SPIDR: variants seen among roughly 807,000 people sequenced by gnomAD.
The protein encoded by SPIDR is DNA repair-scaffolding protein.
In SPIDR, 93 loss-of-function variants were observed where a neutral mutation model predicts 104.6. The ratio of observed to expected loss-of-function variants is 0.89; its 90% CI spans 0.75 to 1.06. The LOEUF (loss-of-function observed/expected upper bound fraction) is 1.06. Ranked by LOEUF, SPIDR falls within the 50% of genes least tolerant of loss-of-function variation. The pLI is 0.00. For synonymous variants in SPIDR, 431 were observed against 416.9 expected (o/e 1.03, Z -0.41); for missense variants, 1,154 against 1,111.2 (o/e 1.04, Z -0.55).
At chr8:47,444,504 A>G (rs2070158066) in intron 8 of SPIDR, among the ~76,000 whole-genome samples, 1 of 152,210 alleles carries the variant, frequency 6.6e-6, no homozygotes, top group Admixed American at 6.5e-5. Flanking sequence ...CCATCGGTCC[A>G]TTCATATCGT....
At chr8:47,344,931 T>C (rs1212571492) in intron 5 of SPIDR, among the ~76,000 whole-genome samples, 1 of 152,252 alleles carries the variant, frequency 6.6e-6, no homozygotes, top group African/African-American at 2.4e-5. Context: ...CTGTTCACTC[T>C]GATGGTAGTT....
chr8:47,505,868 T>C (rs1268385241), intron 8 of SPIDR, among the ~76,000 whole-genome samples: 9 of 152,248 alleles, frequency 5.9e-5, no homozygotes, highest in Non-Finnish European at 1.0e-4. Context: ...TGTGAATTTT[T>C]TTCCGTCACT....
intron 2 of SPIDR, among the ~76,000 whole-genome samples, chr8:47,280,781 T>A (rs2037613376): frequency 6.6e-6 from 1 of 152,156 alleles, no homozygotes; most frequent in Non-Finnish European, 1.5e-5. Flanking sequence ...CAAGTGATCC[T>A]CCCACCTCCG....
intron 8 of SPIDR, among the ~76,000 whole-genome samples, chr8:47,580,373 G>T (rs143777894): frequency 1.1e-4 from 17 of 152,274 alleles, no homozygotes; most frequent in Non-Finnish European, 2.5e-4. Context: ...GCCCTTGCAC[G>T]TGGGAAGCTC....
intron 8 of SPIDR, among the ~76,000 whole-genome samples, chr8:47,516,589 A>T (rs1157383557): frequency 2.0e-5 from 3 of 152,184 alleles, no homozygotes; most frequent in African/African-American, 7.2e-5. Context: ...CATCCACGTT[A>T]TGTGTCAGAA....
At chr8:47,454,372 CAG>C (rs1360065117) in intron 8 of SPIDR, among the ~76,000 whole-genome samples, 1 of 151,880 alleles carries the variant, frequency 6.6e-6, no homozygotes, top group Non-Finnish European at 1.5e-5. Flanking sequence ...CAAACTATCA[CAG>C]GGACAAAAAA....
intron 5 of SPIDR, among the ~76,000 whole-genome samples, chr8:47,318,092 G>C (rs931945253): frequency 6.6e-6 from 1 of 152,290 alleles, no homozygotes; most frequent in South Asian, 2.1e-4. Flanking sequence ...AAGCTGGACG[G>C]AGAGTGACTT....
intron 5 of SPIDR, among the ~76,000 whole-genome samples, chr8:47,381,685 C>A (rs2059346450): frequency 6.6e-6 from 1 of 152,186 alleles, no homozygotes; most frequent in Non-Finnish European, 1.5e-5. Context: ...CAGCGATTGG[C>A]AGGAAGTGGC....
intron 6 of SPIDR, among the ~76,000 whole-genome samples, chr8:47,397,376 A>T (rs2061358518): frequency 6.6e-6 from 1 of 152,066 alleles, no homozygotes; most frequent in East Asian, 1.9e-4. Flanking sequence ...CGCACCTGTA[A>T]TCCCAGCTAC....
intron 16 of SPIDR, among the ~76,000 whole-genome samples, chr8:47,721,067 C>G (rs780397997): frequency 6.6e-6 from 1 of 152,126 alleles, no homozygotes; most frequent in Admixed American, 6.6e-5. Flanking sequence ...CCTTTTCATA[C>G]TCTTAATAAG....
intron 5 of SPIDR, among the ~76,000 whole-genome samples, chr8:47,300,997 A>G (rs1216708623): frequency 6.6e-6 from 1 of 152,188 alleles, no homozygotes; most frequent in African/African-American, 2.4e-5. Context: ...GTGCCTGGAT[A>G]TCCTTGTTAA....
chr8:47,393,845 C>A (rs1338988455), intron 5 of SPIDR, among the ~76,000 whole-genome samples: 1 of 117,612 alleles, frequency 8.5e-6, no homozygotes, highest in African/African-American at 4.3e-5. Flanking sequence ...CTCCCTTTCC[C>A]TTCCTTCCTT....
intron 10 of SPIDR, among the ~76,000 whole-genome samples, chr8:47,650,088 G>C (rs1208653017): frequency 2.0e-5 from 3 of 152,172 alleles, no homozygotes; most frequent in Non-Finnish European, 4.4e-5. Context: ...ATTCAACATA[G>C]TACTGGGAGT....
At chr8:47,622,165 A>G (rs1588488700) in intron 10 of SPIDR, among the ~76,000 whole-genome samples, 2 of 152,216 alleles carry the variant, frequency 1.3e-5, no homozygotes, top group South Asian at 2.1e-4. Flanking sequence ...CAGCAGAGGA[A>G]TGGATGCAAG....
chr8:47,299,627 C>G (rs1213568300), intron 5 of SPIDR, among the ~76,000 whole-genome samples: 1 of 152,118 alleles, frequency 6.6e-6, no homozygotes, highest in African/African-American at 2.4e-5. Context: ...TACGTCCCAT[C>G]AATACCTAAT....
chr8:47,579,971 C>A (rs755501982), intron 8 of SPIDR, among the ~76,000 whole-genome samples: 5 of 152,222 alleles, frequency 3.3e-5, no homozygotes, highest in Non-Finnish European at 7.3e-5. Flanking sequence ...ACAGCCCTGT[C>A]ATGGACTAGG....
chr8:47,312,793 C>T (rs1351009500), intron 5 of SPIDR, among the ~76,000 whole-genome samples: 2 of 152,084 alleles, frequency 1.3e-5, no homozygotes, highest in South Asian at 4.1e-4. Flanking sequence ...TGAAGTCCTT[C>T]CCCATGCCTA....
At chr8:47,406,552 C>T (rs1447122549) in intron 6 of SPIDR, among the ~76,000 whole-genome samples, 1 of 152,130 alleles carries the variant, frequency 6.6e-6, no homozygotes, top group Non-Finnish European at 1.5e-5. Flanking sequence ...ACATGTACTA[C>T]ACGCAAGTAT....
intron 8 of SPIDR, among the ~76,000 whole-genome samples, chr8:47,483,538 G>A (rs944823552): frequency 3.3e-5 from 5 of 152,174 alleles, no homozygotes; most frequent in East Asian, 1.9e-4. Context: ...TGGATGGCCC[G>A]TTTAGGATAG....
Sources: allele counts gnomAD v4.1 joint callset (sites outside exome capture counted in the v4.1 genomes callset), GRCh38; gene constraint gnomAD v4.1.1; transcripts MANE v1.5; gene names NCBI Gene and HGNC (gene_info 2026-07-23, HGNC 2026-07-21).